Variants in CTNNA3 observed in about 807,000 individuals in gnomAD.
CTNNA3 encodes catenin alpha 3.
Under a neutral mutation model 95.7 loss-of-function variants are expected in CTNNA3, and 76 were observed. The observed-to-expected ratio is 0.79, with a 90% CI of 0.66 to 0.96. The LOEUF is 0.96. Ranked by LOEUF, CTNNA3 falls within the 40% of genes least tolerant of loss-of-function variation. The probability of loss-of-function intolerance (pLI) is 0.00; values close to 1 mark genes in which losing one functional copy is unlikely to be tolerated. For synonymous variants in CTNNA3, 431 were observed against 374.4 expected, an observed-to-expected ratio of 1.15 and a Z score of -1.74; for missense variants, 1,191 against 1,089.8, an observed-to-expected ratio of 1.09 and a Z score of -1.31.
At chr10:66,996,649 C>CA (rs57025097) in intron 7 of CTNNA3, among the ~76,000 whole-genome samples, 11,445 of 67,368 alleles carry the variant, frequency 0.17, 1,817 homozygotes, top group South Asian at 0.2. Flanking sequence ...TCCGTCTCTA[C>CA]AAAAAAAAAA....
Position 67,671,523 on chromosome 10 carries a change from C to A in CTNNA3, c.-5-24005G>T, listed in dbSNP as rs1349296508. ...ATCCCTCCCCGCTCCCCCCACCCCA[C>A]AACAGTCCCTGAAGTGTGATATTCC... On this transcript the variant is annotated intron_variant, in intron 1 of 17. Transcript: ENST00000433211. Among the ~76,000 whole-genome samples, 4 of 145,708 alleles carry A rather than the reference C, an allele frequency of 2.7e-5. No homozygotes were observed. In the East Asian group the frequency reaches 7.7e-4, roughly 28 times the overall value.
At chr10:66,075,781 G>C (rs529047161) in intron 14 of CTNNA3, among the ~76,000 whole-genome samples, 14 of 151,670 alleles carry the variant, frequency 9.2e-5, no homozygotes, top group Non-Finnish European at 2.1e-4. Flanking sequence ...CAGCTGGCTA[G>C]TGACAGATGT....
At chr10:67,313,801 C>G (rs912733322) in intron 5 of CTNNA3, among the ~76,000 whole-genome samples, 2 of 152,072 alleles carry the variant, frequency 1.3e-5, no homozygotes, top group African/African-American at 4.8e-5. Flanking sequence ...GATTCACTAC[C>G]TTAGGCAAAA....
chr10:67,182,010 A>G (rs1589831876), intron 6 of CTNNA3, among the ~76,000 whole-genome samples: 1 of 151,560 alleles, frequency 6.6e-6, no homozygotes, highest in African/African-American at 2.4e-5. Flanking sequence ...TTCAAGGAGA[A>G]CTACAAACCA....
chr10:66,309,951 AAAT>A lies in CTNNA3; in HGVS notation c.1733-29333_1733-29331del, dbSNP rs1564856563. 2.3e-4 allele frequency among the ~76,000 whole-genome samples: 27 copies of A among 119,410 alleles called. No individual in the cohort carries two copies. The East Asian group carries it at 5.6e-3, about 25-fold the overall frequency. 78.3% of individuals were successfully genotyped at this position (119,410 alleles called of 152,430 possible). A position where few individuals can be genotyped will look rare whatever the true frequency, so the allele number is the denominator to read the frequency against. ...TAAATAAATAAATAAATAAATAAAT[AAAT>A]AAAATAAAAATAAAAATAAATTAGC... On this transcript the variant is annotated intron_variant, in intron 12 of 17. Transcript: ENST00000433211.
chr10:66,139,998 G>C (rs951814959), intron 13 of CTNNA3, among the ~76,000 whole-genome samples: 1 of 152,272 alleles, frequency 6.6e-6, no homozygotes, highest in African/African-American at 2.4e-5. Context: ...GTGAATATGA[G>C]TATCTTGTAA....
intron 11 of CTNNA3, among the ~76,000 whole-genome samples, chr10:66,436,202 T>G (rs910327131): frequency 6.6e-6 from 1 of 152,084 alleles, no homozygotes; most frequent in African/African-American, 2.4e-5. Context: ...TGCTCGGACC[T>G]GAGCTGAGTT....
intron 15 of CTNNA3, among the ~76,000 whole-genome samples, chr10:66,014,899 G>A (rs1201308538): frequency 6.6e-6 from 1 of 151,894 alleles, no homozygotes; most frequent in Non-Finnish European, 1.5e-5. Flanking sequence ...GGTCAAGAGA[G>A]CGAGACCATC....
At chr10:66,024,691 T>C (rs533304470) in intron 15 of CTNNA3, among the ~76,000 whole-genome samples, 2 of 152,342 alleles carry the variant, frequency 1.3e-5, no homozygotes, top group South Asian at 2.1e-4. Context: ...AAATGGAACA[T>C]AGGCTTTCAG....
intron 5 of CTNNA3, among the ~76,000 whole-genome samples, chr10:67,505,184 AT>A (rs763351618): frequency 3.3e-5 from 5 of 152,236 alleles, no homozygotes; most frequent in Non-Finnish European, 7.3e-5. Flanking sequence ...AAACATGAGC[AT>A]TTAGCTTAAG....
At chr10:67,753,020 C>A (rs545027767) in intron 1 of CTNNA3, among the ~76,000 whole-genome samples, 1 of 152,184 alleles carries the variant, frequency 6.6e-6, no homozygotes, top group South Asian at 2.1e-4. Flanking sequence ...CCAAGACAAT[C>A]CTAAGCAAAA....
At position 65,920,518 on chromosome 10, in the gene CTNNA3, G is replaced by C. The variant is rs202196166; in HGVS notation, c.2500C>G (p.Arg834Gly). Residue 834 changes from arginine (R) to glycine (G), a missense_variant, in exon 18 of 18, where the codon CGA (arginine) becomes GGA (glycine). Physicochemically the swap from Arg to Gly is moderately radical, Grantham distance 125. Coordinates refer to ENST00000433211, the MANE Select transcript of CTNNA3 (RefSeq NM_013266.4). ...CGGGGCCCAGCAGGACTCTGGATTCGGATGATCTTGGTTGAGGCAATGTAA... is the reference window on the plus strand; with the variant it reads ...CGGGGCCCAGCAGGACTCTGGATTCCGATGATCTTGGTTGAGGCAATGTAA... Reference protein sequence around the residue: ...MSYIASTKIIRIQSPAGPRHP... With the variant: ...MSYIASTKIIGIQSPAGPRHP... The C allele has an allele frequency of 1.2e-5, 19 of 1,614,074 alleles. No homozygotes were observed. In the South Asian group the frequency reaches 1.9e-4, roughly 16 times the overall value.
chr10:67,089,698 T>G (rs940708277), intron 7 of CTNNA3, among the ~76,000 whole-genome samples: 5 of 147,826 alleles, frequency 3.4e-5, no homozygotes, highest in African/African-American at 1.3e-4. Context: ...AATCAGAGTA[T>G]ACATATGTGT....
chr10:66,667,152 G>C (rs1373044128), intron 9 of CTNNA3, among the ~76,000 whole-genome samples: 1 of 151,616 alleles, frequency 6.6e-6, no homozygotes, highest in African/African-American at 2.4e-5. Flanking sequence ...CAGTGTGTTT[G>C]GTTGGTTAGA....
chr10:66,097,777 C>T (rs1325023120), intron 14 of CTNNA3, among the ~76,000 whole-genome samples: 1 of 152,098 alleles, frequency 6.6e-6, no homozygotes, highest in Non-Finnish European at 1.5e-5. Flanking sequence ...TAAATAATTT[C>T]CTAAGTCTCT....
intron 12 of CTNNA3, among the ~76,000 whole-genome samples, chr10:66,357,907 C>T (rs79508015): frequency 0.046 from 6,945 of 152,164 alleles, 211 homozygotes; most frequent in Non-Finnish European, 0.061. Flanking sequence ...TTTGTATTCC[C>T]ACCAGCATTG....
chr10:66,381,448 T>C (rs2092837936), intron 11 of CTNNA3, among the ~76,000 whole-genome samples: 1 of 152,226 alleles, frequency 6.6e-6, no homozygotes, highest in South Asian at 2.1e-4. Flanking sequence ...ATCTCTCTAG[T>C]AGAATTTGAA....
In CTNNA3 at chr10:67,638,753, A is replaced by C. The variant is rs534785404; in HGVS notation, c.99+8662T>G. Reference sequence around the variant, plus strand: ...TGGAAACTGAACAACCTGCTCCTGAATGACTACTGGGTACATAACAAAATG... The same window carrying C: ...TGGAAACTGAACAACCTGCTCCTGACTGACTACTGGGTACATAACAAAATG... On this transcript the variant is annotated intron_variant, in intron 2 of 17. Coordinates refer to ENST00000433211, the MANE Select transcript of CTNNA3 (RefSeq NM_013266.4). 1.5e-4 allele frequency among the ~76,000 whole-genome samples: 23 copies of C among 152,316 alleles called. 1 individual carries two copies. In the South Asian group the frequency reaches 4.8e-3, roughly 32 times the overall value.
At position 66,418,214 on chromosome 10, in the gene CTNNA3, A is replaced by G. The variant is rs538931562; in HGVS notation, c.1532-38862T>C. Among the ~76,000 whole-genome samples, 443 of 151,938 alleles carry G rather than the reference A, an allele frequency of 2.9e-3. 3 individuals carry two copies. The highest frequency in any genetic ancestry group is 0.01 in the African/African-American group (427 of 41,442). On this transcript the variant is annotated intron_variant, in intron 11 of 17. Coordinates refer to ENST00000433211, the MANE Select transcript of CTNNA3 (RefSeq NM_013266.4). Reference sequence around the variant, plus strand: ...ATTACAACTGATACAACAGAAATACAAAAGATCATCAGAGACTATCACGGA... The same window carrying G: ...ATTACAACTGATACAACAGAAATACGAAAGATCATCAGAGACTATCACGGA...
Sources: allele counts gnomAD v4.1 joint callset (sites outside exome capture counted in the v4.1 genomes callset), GRCh38; gene constraint gnomAD v4.1.1; transcripts MANE v1.5; gene names NCBI Gene and HGNC (gene_info 2026-07-23, HGNC 2026-07-21).